Variants in AK8 observed in about 807,000 individuals in gnomAD.
AK8 encodes adenylate kinase 8.
In AK8, 44 loss-of-function variants were observed where a neutral mutation model predicts 54.6. That is an observed-to-expected ratio of 0.81 (90% confidence interval 0.63 to 1.04). The LOEUF (loss-of-function observed/expected upper bound fraction) is 1.04, where lower values mean the gene tolerates loss of function less well. Among genes scored for constraint, AK8 ranks in the 50% least tolerant of loss-of-function variants. AK8 has a pLI of 0.00. For missense variants in AK8, 555 were observed against 613.6 expected, an observed-to-expected ratio of 0.90 and a Z score of 1.01; for synonymous variants, 239 against 245.6, an observed-to-expected ratio of 0.97 and a Z score of 0.25.
intron 11 of AK8, among the ~76,000 whole-genome samples, chr9:132,751,079 C>A (rs1837899019): frequency 6.6e-6 from 1 of 151,878 alleles, no homozygotes; most frequent in South Asian, 2.1e-4. Flanking sequence ...CACAGAACTG[C>A]AATTTAAAAC....
At chr9:132,866,864 A>G in intron 3 of AK8, 40 bp downstream of exon 3, 1 of 1,594,702 alleles carries the variant, frequency 6.3e-7, no homozygotes, top group Middle Eastern at 1.7e-4. Context: ...AGGATCAATG[A>G]GATATTACAG....
At chr9:132,785,747 A>G (rs892691419) in intron 11 of AK8, among the ~76,000 whole-genome samples, 1 of 152,274 alleles carries the variant, frequency 6.6e-6, no homozygotes, top group Non-Finnish European at 1.5e-5. Flanking sequence ...AGTGAAGACA[A>G]CATCTACGGG....
At chr9:132,769,110 G>T in intron 11 of AK8, 1 of 152,152 alleles carries the variant, frequency 6.6e-6, no homozygotes, top group Non-Finnish European at 1.5e-5. Context: ...GTGGGGAGGG[G>T]CAGGGGTTCC....
chr9:132,830,751 G>T lies in AK8; in HGVS notation c.403-2025C>A, dbSNP rs138321033. 2.0e-4 allele frequency among the ~76,000 whole-genome samples: 30 copies of T among 152,284 alleles called. No homozygotes were observed. In the East Asian group the frequency reaches 5.2e-3, roughly 26 times the overall value. ...TTGTCTTGCAGCCTTTTCATTTTGT[G>T]TGTGGTGTTGCTTTTAACACACCAG... On this transcript the variant is annotated intron_variant, in intron 5 of 12. Coordinates refer to ENST00000298545, the MANE Select transcript of AK8 (RefSeq NM_152572.3).
chr9:132,767,164 G>A lies in AK8; in HGVS notation c.1121+25470C>T, dbSNP rs549347195. Among the ~76,000 whole-genome samples the A allele has an allele frequency of 1.6e-4, 25 of 152,272 alleles. 1 individual carries two copies. Among genetic ancestry groups the A allele is most frequent in the African/African-American group, 5.5e-4 (23 of 41,554 alleles). Reference sequence around the variant, plus strand: ...TCAAGCTAAAAAGCTTCTGCATAGCGAAGGAAACAACAGAGTGAAGAGACA... The same window carrying A: ...TCAAGCTAAAAAGCTTCTGCATAGCAAAGGAAACAACAGAGTGAAGAGACA... On this transcript the variant is annotated intron_variant, in intron 11 of 12. Transcript: ENST00000298545.
At chr9:132,823,451 C>A in intron 8 of AK8, 115 bp from the exon 9 acceptor site, 1 of 1,411,956 alleles carries the variant, frequency 7.1e-7, no homozygotes, top group Non-Finnish European at 9.8e-7. Flanking sequence ...TCTTTCACAG[C>A]ACCATGGAAG....
At chr9:132,807,982 G>A (rs542277291) in intron 10 of AK8, among the ~76,000 whole-genome samples, 11 of 151,972 alleles carry the variant, frequency 7.2e-5, no homozygotes, top group Non-Finnish European at 1.0e-4. Flanking sequence ...ATCTAGTAGC[G>A]CCTTTGCTTG....
chr9:132,844,299 AAAAAAAAAAAAAAAAAAG>A (rs1842657997), intron 5 of AK8, among the ~76,000 whole-genome samples: 1 of 60,726 alleles, frequency 1.6e-5, no homozygotes, highest in African/African-American at 3.4e-5. Context: ...CATTAGACCA[AAAAAAAAAAAAAAAAAAG>A]AAAAAAGAAA....
At chr9:132,825,152 C>T (rs1427332441) in intron 8 of AK8, among the ~76,000 whole-genome samples, 8 of 152,304 alleles carry the variant, frequency 5.3e-5, no homozygotes, top group African/African-American at 1.9e-4. Flanking sequence ...GCTTAATTTA[C>T]AGTAAATAAC....
chr9:132,792,856 G>A, intron 10 of AK8, 81 bp from the exon 11 acceptor site: 2 of 1,470,530 alleles, frequency 1.4e-6, no homozygotes, highest in Non-Finnish European at 1.8e-6. Flanking sequence ...CTTGGCCATA[G>A]ATTGAGCTGC....
intron 10 of AK8, among the ~76,000 whole-genome samples, chr9:132,809,678 T>G (rs542813147): frequency 3.4e-4 from 51 of 152,196 alleles, no homozygotes; most frequent in Non-Finnish European, 7.2e-4. Flanking sequence ...ATCCATTCTA[T>G]GCTCTCAGCA....
rs1189961373 is a variant in AK8 at position 132,814,713 on chromosome 9, G to C, written c.904C>G (p.Leu302Val). The stretch of plus-strand genomic sequence containing the variant: ...CTATCTGCCACAGCCTCTTTCAGCA[G>C]TTGCCCACAGCAGACTGAAGGAGAG... ...YRLVNVCCGQ[L>V]LKEAVADRTT... Residue 302 changes from leucine to valine, a missense_variant, in exon 10 of 13, where the codon CTG (leucine) becomes GTG (valine). By Grantham distance (32) the Leu-to-Val change is conservative. Coordinates refer to ENST00000298545, the MANE Select transcript of AK8 (RefSeq NM_152572.3). 2 of 1,613,788 alleles carry C rather than the reference G, an allele frequency of 1.2e-6. No homozygotes were observed. The highest frequency in any genetic ancestry group is 2.2e-5 in the East Asian group (1 of 44,862).
At chr9:132,761,219 T>A (rs7020991) in intron 11 of AK8, among the ~76,000 whole-genome samples, 33,596 of 150,274 alleles carry the variant, frequency 0.22, 4,794 homozygotes, top group African/African-American at 0.39. Flanking sequence ...ATTTATTTAA[T>A]AGTTATGGGA....
rs547274517 is a variant in AK8 at position 132,741,242 on chromosome 9, G to A, written c.1122-13708C>T. On this transcript the variant is annotated intron_variant, in intron 11 of 12. Transcript: ENST00000298545. ...CTGGTTCCAGGCAGGGCCTGTGTCC[G>A]AATCCCCCCGACACTGCTCCTTCAT... Among the ~76,000 whole-genome samples the A allele has an allele frequency of 2.3e-3, 349 of 152,326 alleles. 1 individual carries two copies. The highest frequency in any genetic ancestry group is 4.1e-3 in the Non-Finnish European group (279 of 68,038).
intron 5 of AK8, among the ~76,000 whole-genome samples, chr9:132,834,842 G>A (rs1325951859): frequency 6.6e-6 from 1 of 150,824 alleles, no homozygotes; most frequent in African/African-American, 2.4e-5. Flanking sequence ...ACCTGGTAAA[G>A]CCCAAATGCA....
At chr9:132,862,361 T>G (rs2131407823) in intron 4 of AK8, among the ~76,000 whole-genome samples, 1 of 151,912 alleles carries the variant, frequency 6.6e-6, no homozygotes, top group African/African-American at 2.4e-5. Context: ...AGAGTCTTAT[T>G]CTGTCGCTCA....
At chr9:132,767,854 A>G (rs1283156727) in intron 11 of AK8, among the ~76,000 whole-genome samples, 1 of 152,232 alleles carries the variant, frequency 6.6e-6, no homozygotes, top group East Asian at 1.9e-4. Context: ...TAAGCCAGGC[A>G]CAGAAAGAAA....
chr9:132,799,524 CACG>C lies in AK8; in HGVS notation c.980-6752_980-6750del, dbSNP rs1166502556. Among the ~76,000 whole-genome samples, 1 of 151,928 alleles carries C rather than the reference CACG, an allele frequency of 6.6e-6. No individual in the cohort carries two copies. ...CACACACTACATACATGTCTACACA[CACG>C]ACACCTGACACACTACAACACACAC... On this transcript the variant is annotated intron_variant, in intron 10 of 12. Coordinates refer to ENST00000298545, the MANE Select transcript of AK8 (RefSeq NM_152572.3). The surrounding 1 kb of genome is among the most constrained non-coding windows in gnomAD (Gnocchi z 5.0).
At chr9:132,802,410 T>C (rs1208901238) in intron 10 of AK8, among the ~76,000 whole-genome samples, 1 of 152,120 alleles carries the variant, frequency 6.6e-6, no homozygotes, top group Non-Finnish European at 1.5e-5. Context: ...CAGAAGTGTA[T>C]CCTGGGGTGT....
Sources: allele counts gnomAD v4.1 joint callset (sites outside exome capture counted in the v4.1 genomes callset), GRCh38; gene constraint gnomAD v4.1.1; non-coding constraint Gnocchi (gnomAD v3.1); transcripts MANE v1.5; gene names NCBI Gene and HGNC (gene_info 2026-07-23, HGNC 2026-07-21).